LRRC37A2: variants seen among roughly 807,000 people sequenced by gnomAD.
The protein encoded by LRRC37A2 is leucine-rich repeat-containing protein 37A2.
Under a neutral mutation model 68.8 loss-of-function variants are expected in LRRC37A2, and 9 were observed. The observed-to-expected ratio is 0.13, with a 90% CI of 0.08 to 0.23. The LOEUF (loss-of-function observed/expected upper bound fraction) is 0.23. LRRC37A2 is among the 10% of genes least tolerant of loss of function. The pLI, the probability that LRRC37A2 is intolerant of heterozygous loss-of-function variation, is 1.00. For synonymous variants in LRRC37A2, 63 were observed against 367.6 expected, an observed-to-expected ratio of 0.17 and a Z score of 9.48; for missense variants, 168 against 950.4, an observed-to-expected ratio of 0.18 and a Z score of 10.82.
the LRRC37A2 span, among the ~76,000 whole-genome samples, chr17:46,960,815 C>A: frequency 1.3e-5 from 2 of 152,074 alleles, no homozygotes; most frequent in African/African-American, 4.8e-5. Context: ...ACCACAGGGA[C>A]AAAGAACAGA....
chr17:46,945,998 C>A, the LRRC37A2 span, among the ~76,000 whole-genome samples: 1 of 152,162 alleles, frequency 6.6e-6, no homozygotes, highest in Non-Finnish European at 1.5e-5. Flanking sequence ...GGCAGCCTCT[C>A]TTACCTCAAT....
chr17:47,015,132 T>C, the LRRC37A2 span, among the ~76,000 whole-genome samples: 1 of 149,976 alleles, frequency 6.7e-6, no homozygotes, highest in East Asian at 2.0e-4. Flanking sequence ...CTCAGCCTCC[T>C]GAGTAGCTGG....
chr17:46,862,997 G>A, the LRRC37A2 span, among the ~76,000 whole-genome samples: 1 of 152,220 alleles, frequency 6.6e-6, no homozygotes, highest in African/African-American at 2.4e-5. Flanking sequence ...CAGAGGGAAC[G>A]GGCCTGGCTC....
the LRRC37A2 span, among the ~76,000 whole-genome samples, chr17:46,962,821 A>G: frequency 7.9e-5 from 12 of 152,242 alleles, no homozygotes; most frequent in Admixed American, 1.3e-4. Flanking sequence ...TGGCTACCAT[A>G]AAACCAGAAA....
chr17:46,933,083 A>G, the LRRC37A2 span: 1 of 152,266 alleles, frequency 6.6e-6, no homozygotes, highest in Admixed American at 6.5e-5. Context: ...AGTGTTTAAC[A>G]GTTCAAAAAT....
At chr17:46,907,693 A>AC in the LRRC37A2 span, among the ~76,000 whole-genome samples, 31,184 of 135,244 alleles carry the variant, frequency 0.23, 5,122 homozygotes, top group East Asian at 0.54. Context: ...AAAAAACAAA[A>AC]AACCCAAAAT....
chr17:46,924,112 C>T, the LRRC37A2 span: 22 of 356,194 alleles, frequency 6.2e-5, no homozygotes, highest in Non-Finnish European at 1.0e-4. Context: ...GCCTGTTAAT[C>T]AGTAGCACTT....
the LRRC37A2 span, chr17:47,018,284 T>C: frequency 6.2e-7 from 1 of 1,611,380 alleles, no homozygotes; most frequent in South Asian, 1.1e-5. Flanking sequence ...AGCAGCCAGT[T>C]CAGCCTTCTG....
the LRRC37A2 span, among the ~76,000 whole-genome samples, chr17:46,502,325 T>A: frequency 6.6e-6 from 1 of 151,198 alleles, no homozygotes. Flanking sequence ...TTTTTGTTTT[T>A]TCGAGGTGGA....
At chr17:46,568,745 C>A in the LRRC37A2 span, among the ~76,000 whole-genome samples, 1 of 85,360 alleles carries the variant, frequency 1.2e-5, no homozygotes, top group Non-Finnish European at 2.2e-5. Context: ...GCAGAGGTTA[C>A]AGTGAGCCAA....
At chr17:46,898,436 G>A in the LRRC37A2 span, among the ~76,000 whole-genome samples, 1 of 152,218 alleles carries the variant, frequency 6.6e-6, no homozygotes. Context: ...GTTGTCCCAG[G>A]AAGAGGGCTG....
At chr17:46,772,839 T>G in the LRRC37A2 span, among the ~76,000 whole-genome samples, 19 of 141,486 alleles carry the variant, frequency 1.3e-4, no homozygotes, top group Non-Finnish European at 2.3e-4. Context: ...TATAGGCAGC[T>G]CTCATTCATT....
the LRRC37A2 span, among the ~76,000 whole-genome samples, chr17:46,823,121 T>G: frequency 6.6e-4 from 87 of 131,440 alleles, no homozygotes; most frequent in Non-Finnish European, 1.1e-3. Context: ...ATATTATATA[T>G]TATATATTAT....
At chr17:46,811,576 A>G in the LRRC37A2 span, among the ~76,000 whole-genome samples, 4 of 152,104 alleles carry the variant, frequency 2.6e-5, no homozygotes, top group South Asian at 6.2e-4. Flanking sequence ...AGCAACAGAA[A>G]AGGAGCAAAC....
the LRRC37A2 span, among the ~76,000 whole-genome samples, chr17:46,982,878 G>A: frequency 6.6e-6 from 1 of 152,324 alleles, no homozygotes; most frequent in Admixed American, 6.5e-5. Flanking sequence ...AAGGCAGGCC[G>A]AGGGGAAGGC....
chr17:46,755,713 C>G, the LRRC37A2 span: 1 of 1,330,698 alleles, frequency 7.5e-7, no homozygotes, highest in African/African-American at 1.5e-5. Context: ...CATTAAGAAG[C>G]TTTTAGTGAT....
the LRRC37A2 span, among the ~76,000 whole-genome samples, chr17:46,731,308 A>G: frequency 6.6e-6 from 1 of 152,106 alleles, no homozygotes; most frequent in Non-Finnish European, 1.5e-5. Context: ...CAGAAAATAT[A>G]TTTGGGATGG....
the LRRC37A2 span, among the ~76,000 whole-genome samples, chr17:46,403,434 T>A: frequency 1.9e-5 from 1 of 53,246 alleles, no homozygotes; most frequent in East Asian, 3.3e-4. Flanking sequence ...GGTACACAAC[T>A]GTAGTCCCAG....
At chr17:46,803,266 G>C in the LRRC37A2 span, among the ~76,000 whole-genome samples, 2 of 152,206 alleles carry the variant, frequency 1.3e-5, no homozygotes, top group African/African-American at 4.8e-5. Context: ...AGGCGTAGCG[G>C]CTCACACCTG....
Sources: allele counts gnomAD v4.1 joint callset (sites outside exome capture counted in the v4.1 genomes callset), GRCh38; gene constraint gnomAD v4.1.1; transcripts MANE v1.5; gene names NCBI Gene and HGNC (gene_info 2026-07-23, HGNC 2026-07-21).